The following RNF185 variants were observed in gnomAD, a reference collection of about 807,000 sequenced individuals.
RNF185 encodes ring finger protein 185.
Under a neutral mutation model 24.9 loss-of-function variants are expected in RNF185, and 13 were observed. That is an observed-to-expected ratio of 0.52 (90% CI 0.34 to 0.83). The LOEUF (loss-of-function observed/expected upper bound fraction) is 0.83. Among genes scored for constraint, RNF185 ranks in the 40% least tolerant of loss-of-function variants. RNF185 has a pLI of 0.01. For synonymous variants in RNF185, 79 were observed against 90.3 expected (o/e 0.88, Z 0.71); for missense variants, 184 against 244.7 (o/e 0.75, Z 1.65).
chr22:31,202,593 T>C (rs565432386), intron 6 of RNF185, among the ~76,000 whole-genome samples: 33 of 148,756 alleles, frequency 2.2e-4, no homozygotes, highest in African/African-American at 8.2e-4. Flanking sequence ...AGCACCAAGA[T>C]ATCTTGGGAA....
At chr22:31,163,656 T>TTTTTTTTA (rs1555880082) in intron 1 of RNF185, among the ~76,000 whole-genome samples, 9 of 141,036 alleles carry the variant, frequency 6.4e-5, no homozygotes, top group Non-Finnish European at 1.2e-4. Context: ...TTTTATTTTA[T>TTTTTTTTA]TTTATTTATT....
Position 31,187,284 on chromosome 22 carries a change from C to T in RNF185, c.176+14C>T, listed in dbSNP as rs1293260597. 1 of 1,613,274 alleles carries T rather than the reference C, an allele frequency of 6.2e-7. No homozygotes were observed. Among genetic ancestry groups the T allele is most frequent in the East Asian group, 2.2e-5 (1 of 44,858 alleles). ...CCACCTCTTCTGGTCAGTACCCCTA[C>T]TTCCACCCCAGAGAGCACATTGCCA... On this transcript the variant is annotated intron_variant, in intron 2 of 6. Coordinates refer to ENST00000326132, the MANE Select transcript of RNF185 (RefSeq NM_152267.4).
At chr22:31,164,585 T>A (rs1923790183) in intron 1 of RNF185, among the ~76,000 whole-genome samples, 1 of 15,914 alleles carries the variant, frequency 6.3e-5, no homozygotes, top group South Asian at 1.2e-3. Context: ...CTCATTGTCT[T>A]TTTTTTTTTT....
At chr22:31,188,186 A>T (rs1044915038) in intron 2 of RNF185, among the ~76,000 whole-genome samples, 5 of 152,168 alleles carry the variant, frequency 3.3e-5, no homozygotes, top group Non-Finnish European at 7.3e-5. Flanking sequence ...CCCAGATTCG[A>T]CTAAAGGGAC....
chr22:31,188,560 C>T (rs772282147), intron 2 of RNF185, among the ~76,000 whole-genome samples: 1 of 152,134 alleles, frequency 6.6e-6, no homozygotes, highest in Non-Finnish European at 1.5e-5. Flanking sequence ...GGCTCAGTGG[C>T]TCACACCTGT....
At chr22:31,166,282 T>C (rs1009571640) in intron 1 of RNF185, among the ~76,000 whole-genome samples, 1 of 151,894 alleles carries the variant, frequency 6.6e-6, no homozygotes, top group Non-Finnish European at 1.5e-5. Flanking sequence ...TGAGCCACCA[T>C]GCCCTGCCGA....
intron 6 of RNF185, 117 bp downstream of exon 6, chr22:31,201,732 C>A: frequency 1.3e-6 from 1 of 743,792 alleles, no homozygotes; most frequent in Non-Finnish European, 2.3e-6. Flanking sequence ...GATAATCAGC[C>A]TTTTCAAAAT....
intron 1 of RNF185, among the ~76,000 whole-genome samples, 178 bp downstream of exon 1, chr22:31,160,481 T>G (rs1923496737): frequency 1.3e-5 from 2 of 152,176 alleles, no homozygotes; most frequent in South Asian, 4.1e-4. Context: ...TGGTTCTGCG[T>G]CCCATGAATA....
chr22:31,202,260 G>A (rs988438730), intron 6 of RNF185, among the ~76,000 whole-genome samples: 10 of 152,070 alleles, frequency 6.6e-5, no homozygotes, highest in African/African-American at 2.4e-4. Flanking sequence ...TATGAGGTGG[G>A]TGCCTTGAAC....
chr22:31,177,740 C>A (rs955361375), intron 1 of RNF185, among the ~76,000 whole-genome samples: 5 of 152,156 alleles, frequency 3.3e-5, no homozygotes, highest in African/African-American at 1.2e-4. Flanking sequence ...TATTTATCAC[C>A]CAAATTCATA....
chr22:31,192,533 A>AT, intron 2 of RNF185, 151 bp from the exon 3 acceptor site: 1 of 672,716 alleles, frequency 1.5e-6, no homozygotes, highest in Admixed American at 2.6e-5. Context: ...CAGAACCTCA[A>AT]TGGGCATGCA....
chr22:31,163,055 C>T (rs536418524), intron 1 of RNF185, among the ~76,000 whole-genome samples: 3 of 152,204 alleles, frequency 2.0e-5, no homozygotes, highest in East Asian at 3.9e-4. Context: ...TGAGCCACCA[C>T]GTCTGGCCTG....
Position 31,181,114 on chromosome 22 carries a change from G to A in RNF185, c.-48-5933G>A, listed in dbSNP as rs192134930. On this transcript the variant is annotated intron_variant, in intron 1 of 6. Coordinates refer to ENST00000326132, the MANE Select transcript of RNF185 (RefSeq NM_152267.4). The stretch of plus-strand genomic sequence containing the variant: ...AGGCATGGTGGCTCACTGGGAGGCT[G>A]AGGCAGGAGAATTGCTTGAGCCCAG... 2.5e-3 allele frequency among the ~76,000 whole-genome samples: 382 copies of A among 152,214 alleles called. 3 individuals carry two copies. Among genetic ancestry groups the A allele is most frequent in the Non-Finnish European group, 4.1e-3 (280 of 68,012 alleles).
At chr22:31,204,116 A>G (rs1310117005) in intron 6 of RNF185, among the ~76,000 whole-genome samples, 3 of 150,912 alleles carry the variant, frequency 2.0e-5, no homozygotes, top group African/African-American at 7.3e-5. Context: ...AGGCTGAGGC[A>G]GGCGGATCAC....
At position 31,191,827 on chromosome 22, in the gene RNF185, CAAAAA is replaced by C. The variant is rs71784545; in HGVS notation, c.177-841_177-837del. ...GGGCAACAAGAACAAAACTTCGTCTCAAAAAAAAAAAAAAAAAAAAGTGGAGTTGA... is the reference window on the plus strand; with the variant it reads ...GGGCAACAAGAACAAAACTTCGTCTCAAAAAAAAAAAAAAAGTGGAGTTGA... On this transcript the variant is annotated intron_variant, in intron 2 of 6. Transcript: ENST00000326132. 9.3e-5 allele frequency among the ~76,000 whole-genome samples: 6 copies of C among 64,354 alleles called. No individual in the cohort carries two copies. The South Asian group carries it at 2.0e-3, about 22-fold the overall frequency. The allele number at this position is 64,354 out of a possible 152,430, so 42.2% of individuals were successfully genotyped here.
In RNF185 at chr22:31,193,897, A is replaced by ATTT. The variant is rs113727137; in HGVS notation, c.195+1208_195+1210dup. On this transcript the variant is annotated intron_variant, in intron 3 of 6. Coordinates refer to ENST00000326132, the MANE Select transcript of RNF185 (RefSeq NM_152267.4). Reference sequence around the variant, plus strand: ...ATCACTTGTTTTTTTAAGAAAATTAATTTTTTTTTTTTTTTGAGACAGTCT... The same window carrying ATTT: ...ATCACTTGTTTTTTTAAGAAAATTAATTTTTTTTTTTTTTTTTTGAGACAGTCT... 3.4e-3 allele frequency among the ~76,000 whole-genome samples: 486 copies of ATTT among 143,588 alleles called. 1 individual carries two copies. Among genetic ancestry groups the ATTT allele is most frequent in the Middle Eastern group, 0.011 (3 of 278 alleles). 94.2% of individuals were successfully genotyped at this position (143,588 alleles called of 152,430 possible).
rs747650809 is a variant in RNF185, at chr22:31,195,617, C to G, written c.308+36C>G. 7.4e-6 allele frequency: 10 copies of G among 1,344,782 alleles called. No individual in the cohort carries two copies. In the South Asian group the frequency reaches 7.5e-5, roughly 10 times the overall value. The allele number at this position is 1,344,782 out of a possible 1,614,324, so 83.3% of individuals were successfully genotyped here. On this transcript the variant is annotated intron_variant, in intron 4 of 6. Coordinates refer to ENST00000326132, the MANE Select transcript of RNF185 (RefSeq NM_152267.4). The stretch of plus-strand genomic sequence containing the variant: ...AGGATGCCTCTCCCAACCACTTCTC[C>G]CCTTGGATGTGAATTCACTCCCATT...
intron 1 of RNF185, among the ~76,000 whole-genome samples, chr22:31,163,952 G>A (rs1165089168): frequency 7.0e-6 from 1 of 143,530 alleles, no homozygotes; most frequent in African/African-American, 2.6e-5. Flanking sequence ...GGGATTACAG[G>A]CTTGAGCCAC....
chr22:31,188,872 G>A (rs578144359), intron 2 of RNF185, among the ~76,000 whole-genome samples: 2 of 150,426 alleles, frequency 1.3e-5, no homozygotes, highest in Admixed American at 6.7e-5. Flanking sequence ...TGTAATCCCA[G>A]CACTTTGGGA....
Sources: gnomAD v4.1 joint callset for allele counts (sites outside exome capture counted in the v4.1 genomes callset) on GRCh38, gnomAD v4.1.1 for gene constraint, MANE v1.5 for transcripts, NCBI Gene and HGNC (gene_info 2026-07-23, HGNC 2026-07-21) for gene names.